LRMDA: variants seen among roughly 807,000 people sequenced by gnomAD.
The protein encoded by LRMDA is leucine-rich melanocyte differentiation-associated protein.
LRMDA carries 18 observed loss-of-function variants against 29.8 expected under a neutral mutation model. The observed-to-expected ratio is 0.60, with a 90% CI of 0.42 to 0.90. The LOEUF (loss-of-function observed/expected upper bound fraction) is 0.90. LRMDA is among the 40% of genes least tolerant of loss of function. The probability of loss-of-function intolerance (pLI) is 0.00; values close to 1 mark genes in which losing one functional copy is unlikely to be tolerated. For missense variants in LRMDA, 273 were observed against 273.9 expected, an observed-to-expected ratio of 1.00 and a Z score of 0.02; for synonymous variants, 125 against 109.4, an observed-to-expected ratio of 1.14 and a Z score of -0.89.
chr10:75,927,358 T>A (rs1846137365), intron 2 of LRMDA, among the ~76,000 whole-genome samples: 1 of 152,202 alleles, frequency 6.6e-6, no homozygotes, highest in South Asian at 2.1e-4. Context: ...TGTAGAGATC[T>A]GCCTGTTTTC....
At chr10:75,765,551 T>C (rs1486263540) in intron 2 of LRMDA, among the ~76,000 whole-genome samples, 2 of 152,072 alleles carry the variant, frequency 1.3e-5, no homozygotes, top group Non-Finnish European at 2.9e-5. Flanking sequence ...AAAAAATTGG[T>C]TTTGAATTTT....
At chr10:76,062,047 C>T (rs1458478974) in intron 5 of LRMDA, among the ~76,000 whole-genome samples, 1 of 152,194 alleles carries the variant, frequency 6.6e-6, no homozygotes, top group African/African-American at 2.4e-5. Context: ...TGTATATATA[C>T]ATATGCATGT....
At chr10:76,285,654 C>T (rs924407816) in intron 5 of LRMDA, among the ~76,000 whole-genome samples, 8 of 152,014 alleles carry the variant, frequency 5.3e-5, no homozygotes, top group Non-Finnish European at 1.2e-4. Context: ...GCATAGTCCA[C>T]TCCACTGAGT....
intron 2 of LRMDA, among the ~76,000 whole-genome samples, chr10:75,935,589 C>G (rs931405668): frequency 2.6e-5 from 4 of 152,108 alleles, no homozygotes; most frequent in Non-Finnish European, 5.9e-5. Context: ...ATACGTTAAG[C>G]CTGCAAAGAA....
intron 2 of LRMDA, among the ~76,000 whole-genome samples, chr10:75,884,603 C>T (rs919215556): frequency 6.6e-6 from 1 of 152,160 alleles, no homozygotes; most frequent in Non-Finnish European, 1.5e-5. Context: ...GACCTAGGGA[C>T]AGGAGAATTA....
chr10:76,197,466 T>A (rs1851349745), intron 5 of LRMDA, among the ~76,000 whole-genome samples: 1 of 152,214 alleles, frequency 6.6e-6, no homozygotes, highest in African/African-American at 2.4e-5. Context: ...GTGATTTTTA[T>A]CTCCCTGGAG....
rs1183989010 is a variant in LRMDA, at chr10:75,578,215, C to CAAAAAAAAAAAAAAAAAAAAAAAAAA, written c.131+139745_131+139746insAAAAAAAAAAAAAAAAAAAAAAAAAA. Among the ~76,000 whole-genome samples, 15 of 14,222 alleles carry CAAAAAAAAAAAAAAAAAAAAAAAAAA rather than the reference C, an allele frequency of 1.1e-3. 3 individuals carry two copies. Among genetic ancestry groups the CAAAAAAAAAAAAAAAAAAAAAAAAAA allele is most frequent in the South Asian group, 9.8e-3 (1 of 102 alleles). The allele number at this position is 14,222 out of a possible 152,430, so 9.3% of individuals were successfully genotyped here. A position where few individuals can be genotyped will look rare whatever the true frequency, so the allele number is the denominator to read the frequency against. On this transcript the variant is annotated intron_variant, in intron 2 of 6. Coordinates refer to ENST00000611255, the MANE Select transcript of LRMDA (RefSeq NM_001305581.2). ...GTATATTTACCAAGCAAATGGAAAGCAAAAAAAAAAAAAAAAAAAAAAAAG... is the reference window on the plus strand; with the variant it reads ...GTATATTTACCAAGCAAATGGAAAGCAAAAAAAAAAAAAAAAAAAAAAAAAAAAAAAAAAAAAAAAAAAAAAAAAAG...
chr10:75,486,121 A>ATT (rs1844909917), intron 2 of LRMDA, among the ~76,000 whole-genome samples: 1 of 151,996 alleles, frequency 6.6e-6, no homozygotes, highest in Admixed American at 6.6e-5. Flanking sequence ...TTTGATTTTA[A>ATT]TTTTCTCTTT....
chr10:75,760,073 AGG>A (rs941039751), intron 2 of LRMDA, among the ~76,000 whole-genome samples: 1 of 152,218 alleles, frequency 6.6e-6, no homozygotes, highest in Non-Finnish European at 1.5e-5. Flanking sequence ...ATGTAGAACA[AGG>A]GGGAAAAGAC....
chr10:75,838,754 T>C (rs1844485089), intron 2 of LRMDA, among the ~76,000 whole-genome samples: 1 of 152,274 alleles, frequency 6.6e-6, no homozygotes, highest in Admixed American at 6.5e-5. Flanking sequence ...TTAAGCATTC[T>C]TGGTAACACA....
chr10:75,794,291 T>C (rs1843616238), intron 2 of LRMDA, among the ~76,000 whole-genome samples: 1 of 152,240 alleles, frequency 6.6e-6, no homozygotes, highest in Non-Finnish European at 1.5e-5. Context: ...TGCTTTATTA[T>C]GTATCATAAA....
intron 6 of LRMDA, among the ~76,000 whole-genome samples, chr10:76,477,693 C>A (rs1842690225): frequency 6.6e-6 from 1 of 151,996 alleles, no homozygotes; most frequent in Non-Finnish European, 1.5e-5. Flanking sequence ...GGTACTGGTA[C>A]CAAAGCAGAG....
intron 1 of LRMDA, among the ~76,000 whole-genome samples, chr10:75,435,956 G>T (rs1399160097): frequency 2.6e-5 from 4 of 151,370 alleles, no homozygotes; most frequent in Admixed American, 6.6e-5. Flanking sequence ...ATGGTGGCTT[G>T]TATCTGCAAT....
At chr10:76,474,714 A>G (rs1035620468) in intron 6 of LRMDA, among the ~76,000 whole-genome samples, 5 of 151,678 alleles carry the variant, frequency 3.3e-5, no homozygotes, top group African/African-American at 9.7e-5. Context: ...ATCAAAAAAG[A>G]TAAATAATAA....
At chr10:75,438,281 G>T in intron 1 of LRMDA, 113 bp from the exon 2 acceptor site, 1 of 864,056 alleles carries the variant, frequency 1.2e-6, no homozygotes. Context: ...TTTTGTGTGT[G>T]AGAAACATGT....
intron 6 of LRMDA, among the ~76,000 whole-genome samples, chr10:76,508,523 T>A (rs1204754776): frequency 1.3e-5 from 2 of 152,182 alleles, no homozygotes; most frequent in African/African-American, 2.4e-5. Context: ...TCCATTACTG[T>A]TGTTATTTAT....
intron 2 of LRMDA, among the ~76,000 whole-genome samples, chr10:75,961,876 A>G (rs1846773268): frequency 6.6e-6 from 1 of 152,174 alleles, no homozygotes; most frequent in South Asian, 2.1e-4. Flanking sequence ...TAGGCTGTGA[A>G]GGAGAGTCTG....
intron 2 of LRMDA, among the ~76,000 whole-genome samples, chr10:75,658,792 G>A (rs1275689066): frequency 1.3e-5 from 2 of 152,184 alleles, no homozygotes; most frequent in Non-Finnish European, 2.9e-5. Flanking sequence ...ATTTTCACTG[G>A]GGGAAATGTA....
In LRMDA at chr10:75,507,016, G is replaced by A. The variant is rs984958096; in HGVS notation, c.131+68522G>A. On this transcript the variant is annotated intron_variant, in intron 2 of 6. Transcript: ENST00000611255. ...TGGGTGAGTGCGTGTTTGGGGATGT[G>A]GGTGGGTCTTGCCTGGTCTCTCAAA... Among the ~76,000 whole-genome samples the A allele has an allele frequency of 8.5e-5, 13 of 152,100 alleles. No homozygotes were observed. The South Asian group carries it at 2.3e-3, about 27-fold the overall frequency.
Sources: allele counts gnomAD v4.1 joint callset (sites outside exome capture counted in the v4.1 genomes callset), GRCh38; gene constraint gnomAD v4.1.1; transcripts MANE v1.5; gene names NCBI Gene and HGNC (gene_info 2026-07-23, HGNC 2026-07-21).